KCNIP4: variants seen among roughly 807,000 people sequenced by gnomAD.
KCNIP4 encodes the protein potassium voltage-gated channel interacting protein 4, also known as Kv channel-interacting protein 4.
In KCNIP4, 12 loss-of-function variants were observed where a neutral mutation model predicts 34.0. The observed-to-expected ratio is 0.35, with a 90% CI of 0.23 to 0.57. The LOEUF (loss-of-function observed/expected upper bound fraction) is 0.57. Among genes scored for constraint, KCNIP4 ranks in the 20% least tolerant of loss-of-function variants. The probability of loss-of-function intolerance (pLI) is 0.83; values close to 1 mark genes in which losing one functional copy is unlikely to be tolerated. For missense variants in KCNIP4, 238 were observed against 311.7 expected, an observed-to-expected ratio of 0.76 and a Z score of 1.78; for synonymous variants, 124 against 102.2, an observed-to-expected ratio of 1.21 and a Z score of -1.29.
intron 1 of KCNIP4, among the ~76,000 whole-genome samples, chr4:21,169,871 C>A (rs9992722): frequency 0.54 from 81,476 of 151,816 alleles, 22,236 homozygotes; most frequent in African/African-American, 0.61. Flanking sequence ...ATTACCTTAA[C>A]AGAGTTATTT....
At chr4:20,835,624 C>T (rs28624895) in intron 3 of KCNIP4, among the ~76,000 whole-genome samples, 3,053 of 152,128 alleles carry the variant, frequency 0.02, 85 homozygotes, top group African/African-American at 0.062. Flanking sequence ...TACATATATG[C>T]TGGTGACCCT....
intron 5 of KCNIP4, among the ~76,000 whole-genome samples, chr4:20,744,284 A>G (rs970942463): frequency 1.8e-4 from 28 of 152,244 alleles, no homozygotes; most frequent in Admixed American, 1.8e-3. Flanking sequence ...ATTATAAATC[A>G]TGCTGCTTTA....
chr4:21,109,213 A>G (rs970502363), intron 1 of KCNIP4, among the ~76,000 whole-genome samples: 43 of 152,322 alleles, frequency 2.8e-4, no homozygotes, highest in African/African-American at 1.0e-3. Flanking sequence ...GGTGGAGCCT[A>G]CAGAGGCAGG....
chr4:20,905,505 C>CTTTTTTTT lies in KCNIP4; in HGVS notation c.62-22797_62-22796insAAAAAAAA, dbSNP rs1182454951. Among the ~76,000 whole-genome samples the CTTTTTTTT allele has an allele frequency of 5.6e-3, 206 of 36,952 alleles. 1 individual carries two copies. The highest frequency in any genetic ancestry group is 8.1e-3 in the Admixed American group (22 of 2,704). 24.2% of individuals were successfully genotyped at this position (36,952 alleles called of 152,430 possible). A position where few individuals can be genotyped will look rare whatever the true frequency, so the allele number is the denominator to read the frequency against. ...TATTACACAGGTAGTTGAACGTTTT[C>CTTTTTTTT]TTTCTTTTTTTTTTTTTTTTGTTTG... On this transcript the variant is annotated intron_variant, in intron 1 of 8. Coordinates refer to ENST00000382152, the MANE Select transcript of KCNIP4 (RefSeq NM_025221.6).
chr4:21,327,696 G>C (rs1176028375), intron 1 of KCNIP4, among the ~76,000 whole-genome samples: 1 of 151,792 alleles, frequency 6.6e-6, no homozygotes, highest in Non-Finnish European at 1.5e-5. Context: ...CCCTTTTGAG[G>C]CTATTTTCCA....
intron 1 of KCNIP4, among the ~76,000 whole-genome samples, chr4:21,128,900 T>C (rs1750836094): frequency 6.6e-6 from 1 of 152,232 alleles, no homozygotes; most frequent in African/African-American, 2.4e-5. Context: ...CTTACCATTC[T>C]AAGCTTTCTT....
rs1431346213 is a variant in KCNIP4 at position 20,918,790 on chromosome 4, C to CT, written c.62-36082dup. ...ATGCACTTTACATCAAAATCAGGGC[C>CT]TGTATAACTGAGTCCAGACTCAATC... is the stretch of plus-strand genomic sequence containing the variant. On this transcript the variant is annotated intron_variant, in intron 1 of 8. Transcript: ENST00000382152. Among the ~76,000 whole-genome samples the CT allele has an allele frequency of 2.0e-5, 3 of 152,146 alleles. No individual in the cohort carries two copies. The East Asian group carries it at 5.8e-4, about 29-fold the overall frequency.
intron 1 of KCNIP4, among the ~76,000 whole-genome samples, chr4:21,132,806 C>T (rs1897665): frequency 0.067 from 9,757 of 145,956 alleles, 454 homozygotes; most frequent in South Asian, 0.15. Context: ...CTCAGGAGTT[C>T]GAGACCAGCC....
intron 1 of KCNIP4, among the ~76,000 whole-genome samples, chr4:21,601,441 G>A (rs1444260897): frequency 1.3e-5 from 2 of 151,614 alleles, no homozygotes; most frequent in Non-Finnish European, 2.9e-5. Flanking sequence ...TTCTGGCCTC[G>A]ACCACTCCAA....
At chr4:21,431,729 T>G (rs2109667570) in intron 1 of KCNIP4, among the ~76,000 whole-genome samples, 1 of 151,996 alleles carries the variant, frequency 6.6e-6, no homozygotes. Flanking sequence ...CAAGATAGAT[T>G]AATATTTTAT....
intron 2 of KCNIP4, among the ~76,000 whole-genome samples, chr4:20,874,158 C>G (rs1434190638): frequency 6.6e-6 from 1 of 152,152 alleles, no homozygotes; most frequent in Non-Finnish European, 1.5e-5. Context: ...AGATTATTTA[C>G]TATCATTTCT....
At chr4:21,883,454 C>T (rs1726578550) in intron 1 of KCNIP4, among the ~76,000 whole-genome samples, 1 of 151,986 alleles carries the variant, frequency 6.6e-6, no homozygotes, top group South Asian at 2.1e-4. Flanking sequence ...TGGCCTAAAA[C>T]ATTTTTAAAG....
At chr4:21,694,633 T>G (rs1236512293) in intron 1 of KCNIP4, among the ~76,000 whole-genome samples, 1 of 152,010 alleles carries the variant, frequency 6.6e-6, no homozygotes, top group African/African-American at 2.4e-5. Context: ...AATTAAATTT[T>G]TAATTTGTAA....
chr4:21,083,720 TG>T (rs1464732598), intron 1 of KCNIP4, among the ~76,000 whole-genome samples: 1 of 151,974 alleles, frequency 6.6e-6, no homozygotes, highest in Non-Finnish European at 1.5e-5. Context: ...TTCTGGCTTC[TG>T]GCCTTCCTAA....
chr4:21,507,758 GAACT>G (rs1733969254), intron 1 of KCNIP4, among the ~76,000 whole-genome samples: 1 of 152,230 alleles, frequency 6.6e-6, no homozygotes, highest in East Asian at 1.9e-4. Flanking sequence ...TAGTTATGAT[GAACT>G]AACAGGATAA....
At chr4:21,834,067 C>A (rs1180196188) in intron 1 of KCNIP4, among the ~76,000 whole-genome samples, 1 of 152,112 alleles carries the variant, frequency 6.6e-6, no homozygotes, top group African/African-American at 2.4e-5. Flanking sequence ...ATTGACTTGG[C>A]TATGTGGGCT....
intron 1 of KCNIP4, among the ~76,000 whole-genome samples, chr4:20,943,256 G>T (rs1395982215): frequency 6.6e-6 from 1 of 152,168 alleles, no homozygotes; most frequent in Admixed American, 6.5e-5. Flanking sequence ...ATGTGTGGCT[G>T]CCAGGATAGT....
chr4:21,652,671 T>C (rs1402270931), intron 1 of KCNIP4, among the ~76,000 whole-genome samples: 1 of 152,236 alleles, frequency 6.6e-6, no homozygotes, highest in Non-Finnish European at 1.5e-5. Flanking sequence ...TTCTGTTAAA[T>C]GTAGCCTGGT....
intron 1 of KCNIP4, among the ~76,000 whole-genome samples, chr4:21,748,260 G>A (rs1346919710): frequency 6.6e-6 from 1 of 152,158 alleles, no homozygotes; most frequent in Admixed American, 6.6e-5. Flanking sequence ...AGAGTCAAAG[G>A]GTTGGGTATT....
Sources: gnomAD v4.1 joint callset for allele counts (sites outside exome capture counted in the v4.1 genomes callset) on GRCh38, gnomAD v4.1.1 for gene constraint, MANE v1.5 for transcripts, NCBI Gene and HGNC (gene_info 2026-07-23, HGNC 2026-07-21) for gene names.